SPATA13: variants seen among roughly 807,000 people sequenced by gnomAD.
SPATA13 encodes spermatogenesis associated 13, also known as spermatogenesis-associated protein 13.
A neutral mutation model predicts 104.0 loss-of-function variants in SPATA13; 50 were observed. That is an observed-to-expected ratio of 0.48 (90% confidence interval 0.38 to 0.61). The LOEUF (loss-of-function observed/expected upper bound fraction) is 0.61, where lower values mean the gene tolerates loss of function less well. Ranked by LOEUF, SPATA13 falls within the 20% of genes least tolerant of loss-of-function variation. The probability of loss-of-function intolerance (pLI) is 0.00; values close to 1 mark genes in which losing one functional copy is unlikely to be tolerated. For missense variants in SPATA13, 1,524 were observed against 1,690.6 expected (o/e 0.90, Z 1.73); for synonymous variants, 606 against 667.5 (o/e 0.91, Z 1.42).
Position 24,294,981 on chromosome 13 carries a change from A to T in SPATA13, c.3210+113A>T. The T allele has an allele frequency of 3.6e-6, 4 of 1,115,658 alleles. No individual in the cohort carries two copies. The South Asian group carries it at 5.4e-5, about 15-fold the overall frequency. The allele number at this position is 1,115,658 out of a possible 1,614,324, so 69.1% of individuals were successfully genotyped here. A position where few individuals can be genotyped will look rare whatever the true frequency, so the allele number is the denominator to read the frequency against. On this transcript the variant is annotated intron_variant, in intron 10 of 12. Coordinates refer to ENST00000382108, the MANE Select transcript of SPATA13 (RefSeq NM_001166271.3). ...TCAATATCTTATATTCTTGGCTTTAATGGTACATATACCATTAATGGTAAA... is the reference window on the plus strand; with the variant it reads ...TCAATATCTTATATTCTTGGCTTTATTGGTACATATACCATTAATGGTAAA...
intron 4 of SPATA13, among the ~76,000 whole-genome samples, chr13:24,265,405 G>A (rs1484088945): frequency 6.6e-6 from 1 of 152,192 alleles, no homozygotes; most frequent in Non-Finnish European, 1.5e-5. Context: ...CATTTAGAAT[G>A]AAGAGGTCAC....
intron 3 of SPATA13, among the ~76,000 whole-genome samples, chr13:24,069,976 T>C (rs113869208): frequency 0.018 from 2,742 of 152,244 alleles, 37 homozygotes; most frequent in Middle Eastern, 0.041. Context: ...ATCTGAGATG[T>C]GGGAGTGCGG....
At chr13:24,027,119 A>G (rs146525003) in intron 3 of SPATA13, among the ~76,000 whole-genome samples, 8 of 117,596 alleles carry the variant, frequency 6.8e-5, no homozygotes, top group Admixed American at 1.7e-4. Flanking sequence ...TGTTCCTGAT[A>G]TTTTTTGTTT....
At chr13:24,071,689 T>C (rs1177453129) in intron 3 of SPATA13, among the ~76,000 whole-genome samples, 5 of 152,228 alleles carry the variant, frequency 3.3e-5, no homozygotes, top group African/African-American at 1.2e-4. Flanking sequence ...TAATGTTCCT[T>C]GCTGGCATTG....
At chr13:24,299,325 A>G (rs1257122523) in intron 11 of SPATA13, among the ~76,000 whole-genome samples, 2 of 152,168 alleles carry the variant, frequency 1.3e-5, no homozygotes, top group African/African-American at 4.8e-5. Flanking sequence ...GTGCTCAGAG[A>G]TGCAAGTGCA....
chr13:24,235,406 G>T (rs1165532288), intron 2 of SPATA13, among the ~76,000 whole-genome samples: 1 of 152,192 alleles, frequency 6.6e-6, no homozygotes, highest in Non-Finnish European at 1.5e-5. Context: ...AGCCAGGGAG[G>T]CATGCCGGAA....
At chr13:24,071,799 G>T (rs989576485) in intron 3 of SPATA13, among the ~76,000 whole-genome samples, 1 of 152,178 alleles carries the variant, frequency 6.6e-6, no homozygotes, top group Non-Finnish European at 1.5e-5. Context: ...TGGATGCCTG[G>T]AAGCTCTGTT....
At chr13:24,246,583 G>A (rs1873146831) in intron 2 of SPATA13, among the ~76,000 whole-genome samples, 1 of 152,186 alleles carries the variant, frequency 6.6e-6, no homozygotes, top group Non-Finnish European at 1.5e-5. Context: ...ACTCAGGCCG[G>A]GTGTGGTGGC....
At chr13:24,025,387 G>A (rs1008827187) in intron 3 of SPATA13, among the ~76,000 whole-genome samples, 2 of 151,992 alleles carry the variant, frequency 1.3e-5, no homozygotes, top group Admixed American at 6.6e-5. Context: ...TTCTATGGAT[G>A]GACATTAATT....
intron 1 of SPATA13, among the ~76,000 whole-genome samples, chr13:24,200,001 C>G (rs1263233024): frequency 6.6e-6 from 1 of 152,138 alleles, no homozygotes. Context: ...TACAGTCTGA[C>G]ATTGAGATGG....
intron 3 of SPATA13, among the ~76,000 whole-genome samples, chr13:24,083,435 G>A (rs764695915): frequency 6.6e-6 from 1 of 152,108 alleles, no homozygotes; most frequent in Non-Finnish European, 1.5e-5. Flanking sequence ...GCCTGACCTT[G>A]GCCACAGGTG....
chr13:24,158,793 C>G (rs868722506), upstream of SPATA13, among the ~76,000 whole-genome samples: 1 of 152,178 alleles, frequency 6.6e-6, no homozygotes, highest in South Asian at 2.1e-4. Context: ...CCCACTGTCA[C>G]CGGCTCACTG....
chr13:24,206,042 C>G (rs1343359716), intron 1 of SPATA13, among the ~76,000 whole-genome samples: 1 of 152,072 alleles, frequency 6.6e-6, no homozygotes, highest in Non-Finnish European at 1.5e-5. Flanking sequence ...GTGAAGATGC[C>G]AAAAGCAATC....
At chr13:24,153,886 C>A (rs1882178337) in intron 3 of SPATA13, among the ~76,000 whole-genome samples, 2 of 152,206 alleles carry the variant, frequency 1.3e-5, no homozygotes, top group East Asian at 3.8e-4. Flanking sequence ...AACAATGTGA[C>A]TGAGCTGCTT....
At chr13:24,042,825 CAT>C (rs1593295478) in intron 3 of SPATA13, among the ~76,000 whole-genome samples, 1 of 152,318 alleles carries the variant, frequency 6.6e-6, no homozygotes, top group African/African-American at 2.4e-5. Flanking sequence ...CATTCTAACA[CAT>C]GTGGTCTGAG....
intron 1 of SPATA13, among the ~76,000 whole-genome samples, chr13:24,183,141 C>G (rs1340040420): frequency 3.3e-5 from 5 of 152,240 alleles, no homozygotes; most frequent in Non-Finnish European, 7.3e-5. Flanking sequence ...TTCCAACACA[C>G]TCTCTCACTG....
intron 4 of SPATA13, among the ~76,000 whole-genome samples, chr13:24,260,944 T>G (rs1179764248): frequency 6.6e-6 from 1 of 152,238 alleles, no homozygotes; most frequent in East Asian, 1.9e-4. Flanking sequence ...TGGGGCACTT[T>G]TTTTTGGCTT....
chr13:24,256,670 C>T (rs919719083), intron 4 of SPATA13, among the ~76,000 whole-genome samples: 19 of 152,154 alleles, frequency 1.2e-4, no homozygotes, highest in Admixed American at 9.8e-4. Context: ...TCTCTCACCA[C>T]TTTTCTCTGG....
intron 1 of SPATA13, among the ~76,000 whole-genome samples, chr13:24,217,487 A>C: frequency 6.6e-6 from 1 of 152,218 alleles, no homozygotes; most frequent in Non-Finnish European, 1.5e-5. Flanking sequence ...ACACATGCTG[A>C]GAACACAGTG....
Sources: gnomAD v4.1 joint callset for allele counts (sites outside exome capture counted in the v4.1 genomes callset) on GRCh38, gnomAD v4.1.1 for gene constraint, MANE v1.5 for transcripts, NCBI Gene and HGNC (gene_info 2026-07-23, HGNC 2026-07-21) for gene names.